HOXC4: variants seen among roughly 807,000 people sequenced by gnomAD.
The protein encoded by HOXC4 is homeobox protein Hox-C4.
In HOXC4, 15 loss-of-function variants were observed where a neutral mutation model predicts 25.5. That is an observed-to-expected ratio of 0.59 (90% CI 0.39 to 0.91). The LOEUF (loss-of-function observed/expected upper bound fraction) is 0.91. Ranked by LOEUF, HOXC4 falls within the 40% of genes least tolerant of loss-of-function variation. The pLI is 0.00. For missense variants in HOXC4, 342 were observed against 352.4 expected (o/e 0.97, Z 0.24); for synonymous variants, 165 against 148.0 (o/e 1.11, Z -0.83).
At chr12:54,054,391 T>A in intron 1 of HOXC4, 30 bp downstream of exon 1, 3 of 1,031,402 alleles carry the variant, frequency 2.9e-6, no homozygotes, top group Non-Finnish European at 3.9e-6. Flanking sequence ...GCTCCCCCCC[T>A]CCCTCCCTTC....
rs1434597979 is a variant in HOXC4 at position 54,055,148 on chromosome 12, C to T, written c.738C>T (p.His246=). The change falls in exon 2 of 2, where the codon CAC becomes CAT. Residue 246 remains histidine, a synonymous_variant. Coordinates refer to ENST00000430889, the MANE Select transcript of HOXC4 (RefSeq NM_153633.3). ...SAATPGTSED[H]SQSATPPEQQ... ...CTACCCCGGGTACTTCTGAAGACCA[C>T]TCCCAGAGCGCCACGCCGCCGGAGC... The T allele has an allele frequency of 2.5e-6, 4 of 1,612,976 alleles. No individual in the cohort carries two copies. The South Asian group carries it at 4.4e-5, about 18-fold the overall frequency.
chr12:54,052,934 C>T (rs934103059), upstream of HOXC4, among the ~76,000 whole-genome samples: 1 of 152,190 alleles, frequency 6.6e-6, no homozygotes, highest in African/African-American at 2.4e-5. Flanking sequence ...TGGCTGGGCA[C>T]CATCACAGGG....
chr12:54,027,217 C>G (rs931724744), intron 1 of HOXC4, among the ~76,000 whole-genome samples: 1 of 152,186 alleles, frequency 6.6e-6, no homozygotes, highest in African/African-American at 2.4e-5. Context: ...ATAAAATGGG[C>G]GTTGAGGTTG....
chr12:54,026,961 TG>T (rs1220616550), intron 1 of HOXC4, among the ~76,000 whole-genome samples: 1 of 83,714 alleles, frequency 1.2e-5, no homozygotes, highest in Non-Finnish European at 2.7e-5. Context: ...CACCCAAAAA[TG>T]GTGGGGGGGG....
At chr12:54,027,837 C>T (rs1380763991) in intron 1 of HOXC4, among the ~76,000 whole-genome samples, 1 of 152,178 alleles carries the variant, frequency 6.6e-6, no homozygotes, top group Non-Finnish European at 1.5e-5. Flanking sequence ...CTACTACATT[C>T]AAGACTCTCA....
Position 54,053,897 on chromosome 12 carries a change from A to G in HOXC4, c.-26A>G. 1 of 1,573,450 alleles carries G rather than the reference A, an allele frequency of 6.4e-7. No homozygotes were observed. The highest frequency in any genetic ancestry group is 1.7e-5 in the Admixed American group (1 of 58,764). ...GGAGCAGAAAAACGACAAAGCGAGA[A>G]AAATTATTTTCCACTCCAGAAATTA... On this transcript the variant is annotated 5_prime_UTR_variant, in exon 1 of 2. Transcript: ENST00000430889.
chr12:54,049,425 A>G (rs899707183), upstream of HOXC4, among the ~76,000 whole-genome samples: 2 of 152,204 alleles, frequency 1.3e-5, no homozygotes, highest in African/African-American at 4.8e-5. Flanking sequence ...ATTGAATTCC[A>G]AGGAAGGCAA....
intron 1 of HOXC4, chr12:54,034,018 T>A (rs1377573721): frequency 1.5e-6 from 1 of 669,636 alleles, no homozygotes; most frequent in Non-Finnish European, 2.8e-6. Flanking sequence ...GGTCCGAGCC[T>A]GGGTCTCCCT....
chr12:54,033,440 G>C (rs376224435), intron 1 of HOXC4: 1 of 1,600,932 alleles, frequency 6.2e-7, no homozygotes, highest in African/African-American at 1.3e-5. Flanking sequence ...CGGCTCGCCC[G>C]GCGCTGGAGG....
rs556296996 is a variant in HOXC4 at position 54,041,213 on chromosome 12, C to T, written c.-123-11947C>T. 2.0e-5 allele frequency among the ~76,000 whole-genome samples: 3 copies of T among 152,370 alleles called. No individual in the cohort carries two copies. In the South Asian group the frequency reaches 6.2e-4, roughly 32 times the overall value. The stretch of plus-strand genomic sequence containing the variant: ...AGAAACTATTGCTGAGTAAGAGCAT[C>T]TGATGGCACAGGGAGTGCACAGCTA... On this transcript the variant is annotated intron_variant, in intron 1 of 3. Coordinates refer to the HOXC4 transcript ENST00000303406.
chr12:54,039,708 T>A (rs1941239565), intron 1 of HOXC4, among the ~76,000 whole-genome samples: 1 of 152,022 alleles, frequency 6.6e-6, no homozygotes, highest in African/African-American at 2.4e-5. Flanking sequence ...CATGGGAGTT[T>A]CTCTTGGTCT....
rs146874223 is a variant in HOXC4, at chr12:54,033,388, A to G, written c.-124+15974A>G. The G allele has an allele frequency of 2.8e-4, 454 of 1,612,658 alleles. No individual in the cohort carries two copies. Among genetic ancestry groups the G allele is most frequent in the Non-Finnish European group, 3.7e-4 (432 of 1,179,590 alleles). Reference sequence around the variant, plus strand: ...GCTCCGGGACACGCTCCGGGCAGAGACGAAGCGGCTCCTCTGAACCCCGGG... The same window carrying G: ...GCTCCGGGACACGCTCCGGGCAGAGGCGAAGCGGCTCCTCTGAACCCCGGG... On this transcript the variant is annotated intron_variant, in intron 1 of 3. Coordinates refer to the HOXC4 transcript ENST00000303406.
At chr12:54,032,949 T>C in intron 1 of HOXC4, 1 of 587,148 alleles carries the variant, frequency 1.7e-6, no homozygotes, top group Non-Finnish European at 2.9e-6. Flanking sequence ...GCCGCTCGAG[T>C]CACGTGACTC....
At chr12:54,031,053 G>GA (rs975527924) in intron 1 of HOXC4, among the ~76,000 whole-genome samples, 19 of 152,252 alleles carry the variant, frequency 1.2e-4, no homozygotes, top group African/African-American at 2.4e-4. Context: ...CACCCTGCGG[G>GA]AAAAAGCCGC....
chr12:54,049,791 CA>C (rs1937803334), upstream of HOXC4, among the ~76,000 whole-genome samples: 1 of 138,998 alleles, frequency 7.2e-6, no homozygotes, highest in East Asian at 2.3e-4. Context: ...CACACACACA[CA>C]CACACACGAA....
Position 54,054,203 on chromosome 12 carries a change from C to T in HOXC4, c.281C>T (p.Ser94Leu). The T allele has an allele frequency of 1.2e-6, 2 of 1,612,958 alleles. No homozygotes were observed. Among genetic ancestry groups the T allele is most frequent in the African/African-American group, 2.7e-5 (2 of 75,000 alleles). ...GCGGGCCACCACCACCCCGAGAAATCACAGTCGCTCTGCGAGCCGGCGCCT... is the reference window on the plus strand; with the variant it reads ...GCGGGCCACCACCACCCCGAGAAATTACAGTCGCTCTGCGAGCCGGCGCCT... ...AQAGHHHPEK[S>L]QSLCEPAPLS... is the part of the protein sequence containing the mutation. The change falls in exon 1 of 2, where the codon TCA becomes TTA. Residue 94 changes from serine to leucine, a missense_variant. By Grantham distance (145) the Ser-to-Leu change is moderately radical (BLOSUM62 -2). Transcript: ENST00000430889.
At chr12:54,028,520 G>T (rs1565741060) in intron 1 of HOXC4, 1 of 1,613,256 alleles carries the variant, frequency 6.2e-7, no homozygotes, top group Non-Finnish European at 8.5e-7. Flanking sequence ...AAAGGCAAAG[G>T]GATGAATTCC....
chr12:54,051,006 C>A (rs1937832346), upstream of HOXC4, among the ~76,000 whole-genome samples: 1 of 152,100 alleles, frequency 6.6e-6, no homozygotes, highest in South Asian at 2.1e-4. Context: ...CTCCTTGACC[C>A]CCCTGCAGAA....
intron 1 of HOXC4, among the ~76,000 whole-genome samples, chr12:54,018,026 C>T (rs1940237441): frequency 6.6e-6 from 1 of 152,138 alleles, no homozygotes; most frequent in African/African-American, 2.4e-5. Flanking sequence ...TGTTAATTGG[C>T]AATTAGGGGG....
Sources: allele counts gnomAD v4.1 joint callset (sites outside exome capture counted in the v4.1 genomes callset), GRCh38; gene constraint gnomAD v4.1.1; transcripts MANE v1.5; gene names NCBI Gene and HGNC (gene_info 2026-07-23, HGNC 2026-07-21).